Variants in MGMT observed in about 807,000 individuals in gnomAD.
The protein encoded by MGMT is methylated-DNA--protein-cysteine methyltransferase.
A neutral mutation model predicts 15.9 loss-of-function variants in MGMT; 14 were observed. The ratio of observed to expected loss-of-function variants is 0.88; its 90% CI spans 0.58 to 1.37. MGMT has a LOEUF of 1.37. MGMT is among the 40% of genes most tolerant of loss of function. The pLI is 0.00. For missense variants in MGMT, 282 were observed against 268.1 expected, an observed-to-expected ratio of 1.05 and a Z score of -0.36; for synonymous variants, 130 against 118.2, an observed-to-expected ratio of 1.10 and a Z score of -0.65.
At chr10:129,710,912 A>G (rs1453697924) in intron 3 of MGMT, among the ~76,000 whole-genome samples, 1 of 152,192 alleles carries the variant, frequency 6.6e-6, no homozygotes, top group African/African-American at 2.4e-5. Flanking sequence ...ATACTTTTGC[A>G]TATCATTTTT....
At chr10:129,712,735 G>A (rs991481294) in intron 3 of MGMT, among the ~76,000 whole-genome samples, 10 of 152,122 alleles carry the variant, frequency 6.6e-5, no homozygotes, top group East Asian at 1.9e-4. Context: ...AGAGAGTGGC[G>A]TCATTACTTG....
At chr10:129,583,199 C>T (rs1846577689) in intron 2 of MGMT, among the ~76,000 whole-genome samples, 1 of 152,150 alleles carries the variant, frequency 6.6e-6, no homozygotes, top group Non-Finnish European at 1.5e-5. Flanking sequence ...CTTTATTTAA[C>T]TTGTAGTAAT....
At chr10:129,545,310 G>A (rs1471550435) in intron 2 of MGMT, among the ~76,000 whole-genome samples, 2 of 152,132 alleles carry the variant, frequency 1.3e-5, no homozygotes, top group Admixed American at 1.3e-4. Flanking sequence ...TTGGGATTTG[G>A]TCAGTGGGAA....
chr10:129,638,428 G>GAAAAAAAAA (rs1847286251), intron 2 of MGMT, among the ~76,000 whole-genome samples: 1 of 41,108 alleles, frequency 2.4e-5, no homozygotes. Flanking sequence ...GACCAAAGAG[G>GAAAAAAAAA]CAAAAAAAAA....
chr10:129,529,926 G>A (rs57145525), intron 1 of MGMT, among the ~76,000 whole-genome samples: 15,457 of 151,726 alleles, frequency 0.1, 954 homozygotes, highest in East Asian at 0.29. Context: ...GTGGGGACAG[G>A]GTCTTGCTCT....
At chr10:129,498,034 G>A (rs1179321671) in intron 1 of MGMT, among the ~76,000 whole-genome samples, 1 of 152,222 alleles carries the variant, frequency 6.6e-6, no homozygotes, top group Non-Finnish European at 1.5e-5. Flanking sequence ...AGTTCCTCTT[G>A]CCTTGTTTTT....
At chr10:129,476,304 C>T (rs1845293432) in intron 1 of MGMT, among the ~76,000 whole-genome samples, 1 of 152,174 alleles carries the variant, frequency 6.6e-6, no homozygotes, top group African/African-American at 2.4e-5. Flanking sequence ...CTCCAGAAAG[C>T]CTTCAGGGTC....
intron 2 of MGMT, among the ~76,000 whole-genome samples, chr10:129,589,213 A>G (rs542885954): frequency 2.4e-4 from 37 of 152,330 alleles, no homozygotes; most frequent in African/African-American, 7.5e-4. Flanking sequence ...CCTAGTGCCA[A>G]CAGGCCTTAA....
At chr10:129,553,237 G>A (rs1203170376) in intron 2 of MGMT, among the ~76,000 whole-genome samples, 1 of 152,160 alleles carries the variant, frequency 6.6e-6, no homozygotes, top group Middle Eastern at 3.2e-3. Context: ...ATTTCTAGAG[G>A]TAGAATTATT....
chr10:129,560,998 T>TGTGTGTGTGTGTGTGTG (rs1564852420), intron 2 of MGMT, among the ~76,000 whole-genome samples: 4 of 146,882 alleles, frequency 2.7e-5, no homozygotes, highest in Admixed American at 6.9e-5. Flanking sequence ...TGTGTGTGTG[T>TGTGTGTGTGTGTGTGTG]TCCTTTCCCA....
intron 2 of MGMT, among the ~76,000 whole-genome samples, chr10:129,547,632 T>G (rs567992279): frequency 1.3e-5 from 2 of 152,330 alleles, no homozygotes; most frequent in East Asian, 3.9e-4. Flanking sequence ...GGAATCCACA[T>G]TACTGCTTTC....
chr10:129,583,961 C>T (rs1394091049), intron 2 of MGMT, among the ~76,000 whole-genome samples: 2 of 152,146 alleles, frequency 1.3e-5, no homozygotes, highest in Non-Finnish European at 2.9e-5. Context: ...ACCAGGTCAT[C>T]AGAGCTGGCA....
chr10:129,507,533 T>C lies in MGMT; in HGVS notation c.-12-28708T>C, dbSNP rs142805528. Among the ~76,000 whole-genome samples, 552 of 152,230 alleles carry C rather than the reference T, an allele frequency of 3.6e-3. 2 individuals carry two copies. Among genetic ancestry groups the C allele is most frequent in the African/African-American group, 0.012 (482 of 41,534 alleles). ...CCTGTTCACAGAGGGTCCTGCTGAA[T>C]TGGGGACAGGGGTGCCCCAGGAGTG... On this transcript the variant is annotated intron_variant, in intron 1 of 4. Transcript: ENST00000651593.
At chr10:129,618,770 T>A (rs2892509) in intron 2 of MGMT, among the ~76,000 whole-genome samples, 2 of 51,580 alleles carry the variant, frequency 3.9e-5, no homozygotes, top group Admixed American at 4.6e-4. Flanking sequence ...TGCTATATTT[T>A]TAGTTTCAAT....
chr10:129,744,858 C>T (rs553506990), intron 3 of MGMT, among the ~76,000 whole-genome samples: 1 of 152,358 alleles, frequency 6.6e-6, no homozygotes, highest in Admixed American at 6.5e-5. Context: ...AGATGCTGCC[C>T]TTCACTGTCT....
intron 1 of MGMT, among the ~76,000 whole-genome samples, chr10:129,490,327 A>T (rs964735609): frequency 2.6e-5 from 4 of 152,060 alleles, no homozygotes; most frequent in African/African-American, 9.7e-5. Context: ...GTGGATCATG[A>T]CTTCTAGGGA....
intron 3 of MGMT, among the ~76,000 whole-genome samples, chr10:129,731,883 G>T (rs912430094): frequency 6.6e-6 from 1 of 152,166 alleles, no homozygotes; most frequent in Non-Finnish European, 1.5e-5. Flanking sequence ...TGGGTTCTCA[G>T]ATCTGCCTCT....
chr10:129,652,486 C>T (rs951016682), intron 2 of MGMT, among the ~76,000 whole-genome samples: 1 of 152,236 alleles, frequency 6.6e-6, no homozygotes, highest in African/African-American at 2.4e-5. Flanking sequence ...CTAGTATGTG[C>T]GTGCGCCCAT....
At chr10:129,687,709 T>C (rs1314416550) in intron 2 of MGMT, among the ~76,000 whole-genome samples, 1 of 152,116 alleles carries the variant, frequency 6.6e-6, no homozygotes. Context: ...TTTTTTTTTT[T>C]TTTTATACTT....
Sources: allele counts gnomAD v4.1 joint callset (sites outside exome capture counted in the v4.1 genomes callset), GRCh38; gene constraint gnomAD v4.1.1; transcripts MANE v1.5; gene names NCBI Gene and HGNC (gene_info 2026-07-23, HGNC 2026-07-21).